Variants in ADAMTSL3 observed in about 807,000 individuals in gnomAD.
The protein encoded by ADAMTSL3 is ADAMTS-like protein 3.
Under a neutral mutation model 201.7 loss-of-function variants are expected in ADAMTSL3, and 128 were observed. That is an observed-to-expected ratio of 0.63 (90% confidence interval 0.55 to 0.73). The LOEUF is 0.73. ADAMTSL3 is among the 30% of genes least tolerant of loss of function. The probability of loss-of-function intolerance (pLI) is 0.00; values close to 1 mark genes in which losing one functional copy is unlikely to be tolerated. For synonymous variants in ADAMTSL3, 738 were observed against 748.4 expected (o/e 0.99, Z 0.23); for missense variants, 1,990 against 2,119.6 (o/e 0.94, Z 1.20).
In ADAMTSL3 at chr15:84,014,643, C is replaced by T. The variant is rs760214581; in HGVS notation, c.4075C>T (p.Leu1359Phe). ...NGSLLLQNVS[L>F]ENEGTYVCIA... ...ATCCCTGTTGTTGCAGAATGTTTCC[C>T]TTGAAAATGAAGGAACCTACGTCTG... Residue 1359 changes from leucine (L) to phenylalanine (F), a missense_variant, in exon 24 of 30, where the codon CTT becomes TTT. Coordinates refer to ENST00000286744, the MANE Select transcript of ADAMTSL3 (RefSeq NM_207517.3). 5 of 1,612,480 alleles carry T rather than the reference C, an allele frequency of 3.1e-6. No individual in the cohort carries two copies. The African/African-American group carries it at 5.3e-5, about 17-fold the overall frequency.
At position 83,872,796 on chromosome 15, in the gene ADAMTSL3, G is replaced by C. The variant is rs767916788; in HGVS notation, c.960+1837G>C. 8.3e-5 allele frequency among the ~76,000 whole-genome samples: 12 copies of C among 145,108 alleles called. 2 individuals are homozygous for C. The highest frequency in any genetic ancestry group is 1.5e-4 in the Non-Finnish European group (10 of 66,710). ...TTTGGTTACAGTGTCAGCATCAGTA[G>C]ATCTTAATAATATATTGTTTATTGA... On this transcript the variant is annotated intron_variant, in intron 9 of 29. Transcript: ENST00000286744.
Position 83,833,243 on chromosome 15 carries a change from A to C in ADAMTSL3, c.601-4846A>C, listed in dbSNP as rs1596292746. Among the ~76,000 whole-genome samples the C allele has an allele frequency of 2.6e-5, 4 of 152,250 alleles. No individual in the cohort carries two copies. In the South Asian group the frequency reaches 8.3e-4, roughly 32 times the overall value. Reference sequence around the variant, plus strand: ...ATAGATTGGGTGGCATATTAACAACAGAAATTTATTTTTTACAGTTCTAGA... The same window carrying C: ...ATAGATTGGGTGGCATATTAACAACCGAAATTTATTTTTTACAGTTCTAGA... On this transcript the variant is annotated intron_variant, in intron 6 of 29. Coordinates refer to ENST00000286744, the MANE Select transcript of ADAMTSL3 (RefSeq NM_207517.3).
At chr15:83,813,772 T>G (rs140483943) in intron 5 of ADAMTSL3, among the ~76,000 whole-genome samples, 17 of 152,272 alleles carry the variant, frequency 1.1e-4, no homozygotes, top group African/African-American at 4.1e-4. Context: ...TGATCAGCAC[T>G]TAGCATATAT....
chr15:84,033,981 G>A (rs1039435158), intron 28 of ADAMTSL3, among the ~76,000 whole-genome samples: 3 of 152,096 alleles, frequency 2.0e-5, no homozygotes, highest in African/African-American at 7.2e-5. Flanking sequence ...CTAGAGCTGG[G>A]GGTGAGTCAG....
In ADAMTSL3 at chr15:83,982,590, C is replaced by T; in HGVS notation, c.2962C>T (p.Gln988Ter). Reference protein sequence around the residue: ...GVYRCIAGSAQETVVLKLIGT... With the variant: ...GVYRCIAGSA ...GTACCGGTGCATTGCAGGCTCTGCACAGGAAACAGTTGTGCTCAAGCTCAT... is the reference window on the plus strand; with the variant it reads ...GTACCGGTGCATTGCAGGCTCTGCATAGGAAACAGTTGTGCTCAAGCTCAT... The change falls in exon 21 of 30, where the codon CAG becomes TAG. Residue 988 changes from glutamine (Q) to a stop codon, truncating the protein, a stop_gained. Coordinates refer to ENST00000286744, the MANE Select transcript of ADAMTSL3 (RefSeq NM_207517.3). LOFTEE classifies it high-confidence loss of function. The T allele has an allele frequency of 6.2e-7, 1 of 1,614,170 alleles. No individual in the cohort carries two copies. The highest frequency in any genetic ancestry group is 8.5e-7 in the Non-Finnish European group (1 of 1,180,028).
At chr15:83,856,993 A>AT (rs369677798) in intron 7 of ADAMTSL3, among the ~76,000 whole-genome samples, 8 of 151,258 alleles carry the variant, frequency 5.3e-5, no homozygotes, top group South Asian at 4.2e-4. Context: ...TTGTTTTGTT[A>AT]TTTTTTTTGT....
chr15:83,730,953 TG>T (rs2062256523), intron 3 of ADAMTSL3, among the ~76,000 whole-genome samples: 4 of 152,210 alleles, frequency 2.6e-5, no homozygotes, highest in African/African-American at 9.6e-5. Context: ...TTTTTGGGTA[TG>T]GTGTAAGATA....
At chr15:83,973,087 A>G (rs752286361) in intron 20 of ADAMTSL3, among the ~76,000 whole-genome samples, 4 of 152,166 alleles carry the variant, frequency 2.6e-5, no homozygotes, top group Non-Finnish European at 5.9e-5. Flanking sequence ...GTTTCCTAAC[A>G]TCCAAGACAA....
intron 6 of ADAMTSL3, among the ~76,000 whole-genome samples, chr15:83,821,629 C>T (rs2063867753): frequency 6.6e-6 from 1 of 151,802 alleles, no homozygotes; most frequent in Non-Finnish European, 1.5e-5. Flanking sequence ...TGAAAAGTCT[C>T]CCATGTCTAC....
intron 7 of ADAMTSL3, among the ~76,000 whole-genome samples, chr15:83,855,408 G>A (rs547719201): frequency 6.6e-6 from 1 of 152,236 alleles, no homozygotes; most frequent in African/African-American, 2.4e-5. Flanking sequence ...ATGCCTCCTG[G>A]GGAAAAGCTG....
intron 3 of ADAMTSL3, among the ~76,000 whole-genome samples, chr15:83,757,837 C>T (rs1388644154): frequency 6.6e-6 from 1 of 152,200 alleles, no homozygotes; most frequent in Non-Finnish European, 1.5e-5. Flanking sequence ...TCATCTCCCT[C>T]AAGTTCAAAG....
chr15:83,693,059 T>A (rs888815616), intron 2 of ADAMTSL3, among the ~76,000 whole-genome samples: 5 of 151,492 alleles, frequency 3.3e-5, no homozygotes, highest in Non-Finnish European at 7.4e-5. Context: ...CTGGTAATGC[T>A]TTTTTTTTCT....
chr15:83,688,713 CAAAA>C (rs994182138), intron 2 of ADAMTSL3, among the ~76,000 whole-genome samples: 1 of 147,942 alleles, frequency 6.8e-6, no homozygotes, highest in Non-Finnish European at 1.5e-5. Context: ...CTCATTGATA[CAAAA>C]AAAACTATCT....
intron 3 of ADAMTSL3, among the ~76,000 whole-genome samples, chr15:83,710,055 T>A (rs775662624): frequency 5.7e-4 from 86 of 152,160 alleles, no homozygotes; most frequent in Admixed American, 1.1e-3. Flanking sequence ...GGAAAAAAGG[T>A]TAATACCTTG....
chr15:83,954,813 C>T (rs995255710), intron 19 of ADAMTSL3, among the ~76,000 whole-genome samples: 3 of 152,222 alleles, frequency 2.0e-5, no homozygotes, highest in African/African-American at 7.2e-5. Context: ...CCTTTACTTT[C>T]TCCCAAACAA....
intron 9 of ADAMTSL3, among the ~76,000 whole-genome samples, chr15:83,878,471 G>A (rs1454639139): frequency 1.3e-5 from 2 of 152,062 alleles, no homozygotes; most frequent in Non-Finnish European, 1.5e-5. Flanking sequence ...AAAATTAGCC[G>A]GGTGTGGTGG....
chr15:83,750,045 A>G (rs1034024948), intron 3 of ADAMTSL3, among the ~76,000 whole-genome samples: 4 of 152,186 alleles, frequency 2.6e-5, no homozygotes, highest in African/African-American at 9.7e-5. Flanking sequence ...ACTTCTGGAA[A>G]CTTTATTTTG....
chr15:83,853,741 AATGACATTGGAAT>A (rs1217990679), intron 7 of ADAMTSL3, among the ~76,000 whole-genome samples: 2 of 152,172 alleles, frequency 1.3e-5, no homozygotes, highest in African/African-American at 4.8e-5. Flanking sequence ...AATAGATGTT[AATGACATTGGAAT>A]GTAGTTTTAT....
rs149223543 is a variant in ADAMTSL3 at position 83,983,100 on chromosome 15, G to T, written c.3472G>T (p.Val1158Leu). ...AAQLRGETGS[V>L]SQSSHAKNSG... The stretch of plus-strand genomic sequence containing the variant: ...TCAGCTCAGAGGGGAAACAGGGAGT[G>T]TGTCCCAAAGCTCGCATGCAAAAAA... The change falls in exon 21 of 30, where the codon GTG (valine) becomes TTG (leucine). Residue 1158 changes from valine to leucine, a missense_variant. Val to Leu is a conservative substitution (Grantham distance 32). Coordinates refer to ENST00000286744, the MANE Select transcript of ADAMTSL3 (RefSeq NM_207517.3). 1.9e-6 allele frequency: 3 copies of T among 1,614,020 alleles called. No homozygotes were observed. In the African/African-American group the frequency reaches 4.0e-5, roughly 22 times the overall value.
Sources: gnomAD v4.1 joint callset for allele counts (sites outside exome capture counted in the v4.1 genomes callset) on GRCh38, gnomAD v4.1.1 for gene constraint, MANE v1.5 for transcripts, NCBI Gene and HGNC (gene_info 2026-07-23, HGNC 2026-07-21) for gene names.